The following RGL1 variants were observed in gnomAD, a reference collection of about 807,000 sequenced individuals.
RGL1 encodes the protein ral guanine nucleotide dissociation stimulator-like 1.
RGL1 carries 24 observed loss-of-function variants against 95.2 expected under a neutral mutation model. The observed-to-expected ratio is 0.25, with a 90% CI of 0.18 to 0.35. The LOEUF is 0.35. Ranked by LOEUF, RGL1 falls within the 10% of genes least tolerant of loss-of-function variation. The pLI is 1.00. For synonymous variants in RGL1, 329 were observed against 344.9 expected (o/e 0.95, Z 0.51); for missense variants, 715 against 936.3 (o/e 0.76, Z 3.08).
chr1:183,837,227 C>T (rs1425850252), intron 2 of RGL1, among the ~76,000 whole-genome samples: 4 of 152,174 alleles, frequency 2.6e-5, no homozygotes, highest in Non-Finnish European at 4.4e-5. Context: ...GGGAAAGCTT[C>T]TGGGCTGTGG....
At chr1:183,754,216 AT>A (rs1053909832) in intron 2 of RGL1, among the ~76,000 whole-genome samples, 17 of 152,086 alleles carry the variant, frequency 1.1e-4, no homozygotes, top group African/African-American at 4.1e-4. Context: ...GTCACAGAAG[AT>A]ATAGTATTAC....
chr1:183,887,897 G>T lies in RGL1; in HGVS notation c.952-577G>T, dbSNP rs117613745. Among the ~76,000 whole-genome samples, 100 of 152,286 alleles carry T rather than the reference G, an allele frequency of 6.6e-4. 1 individual carries two copies. The East Asian group carries it at 0.019, about 29-fold the overall frequency. Reference sequence around the variant, plus strand: ...TACCAAGGTGTTTTTGAATGTTTATGGTTGCAGGACAAGCCAATTTGAAAC... The same window carrying T: ...TACCAAGGTGTTTTTGAATGTTTATTGTTGCAGGACAAGCCAATTTGAAAC... On this transcript the variant is annotated intron_variant, in intron 7 of 17. Coordinates refer to ENST00000360851, the MANE Select transcript of RGL1 (RefSeq NM_001297671.3).
intron 15 of RGL1, among the ~76,000 whole-genome samples, chr1:183,916,041 T>C (rs1209533045): frequency 6.6e-6 from 1 of 152,198 alleles, no homozygotes; most frequent in Non-Finnish European, 1.5e-5. Flanking sequence ...TCTCTCTCAC[T>C]ACGAAATCTG....
At chr1:183,838,887 C>T (rs1220498608) in intron 2 of RGL1, among the ~76,000 whole-genome samples, 2 of 152,238 alleles carry the variant, frequency 1.3e-5, no homozygotes, top group Non-Finnish European at 2.9e-5. Flanking sequence ...CATGATGCCA[C>T]TGAATGCAGA....
At chr1:183,705,456 G>A (rs1654854738) in intron 1 of RGL1, among the ~76,000 whole-genome samples, 1 of 140,250 alleles carries the variant, frequency 7.1e-6, no homozygotes. Context: ...ACATACTGAA[G>A]GAGAGTGGAT....
chr1:183,907,870 G>A (rs112778594), intron 14 of RGL1, among the ~76,000 whole-genome samples: 16 of 152,120 alleles, frequency 1.1e-4, no homozygotes, highest in African/African-American at 3.1e-4. Context: ...GGTGGTGCAC[G>A]CATGTAGTCC....
chr1:183,912,874 T>C (rs1668728751), intron 15 of RGL1, among the ~76,000 whole-genome samples: 1 of 152,242 alleles, frequency 6.6e-6, no homozygotes, highest in African/African-American at 2.4e-5. Context: ...AAGCCTTTAC[T>C]TGAGTCGTAT....
chr1:183,924,530 G>A (rs746669226), intron 17 of RGL1, among the ~76,000 whole-genome samples: 78 of 152,066 alleles, frequency 5.1e-4, no homozygotes, highest in Non-Finnish European at 9.6e-4. Flanking sequence ...TGTAGATGGC[G>A]GGTTGATGGG....
chr1:183,747,480 G>T (rs1657715959), intron 2 of RGL1, among the ~76,000 whole-genome samples: 1 of 152,092 alleles, frequency 6.6e-6, no homozygotes, highest in Admixed American at 6.6e-5. Context: ...TTTTTGATGG[G>T]GTTGTTTGTT....
chr1:183,905,448 T>C (rs545465467), intron 13 of RGL1, among the ~76,000 whole-genome samples: 1 of 152,044 alleles, frequency 6.6e-6, no homozygotes, highest in African/African-American at 2.4e-5. Flanking sequence ...ACAAAACCTA[T>C]GGGAAGAATT....
Position 183,892,165 on chromosome 1 carries a change from A to G in RGL1, c.1140+4A>G. 6.2e-7 allele frequency: 1 copy of G among 1,603,842 alleles called. No homozygotes were observed. Among genetic ancestry groups the G allele is most frequent in the Non-Finnish European group, 8.5e-7 (1 of 1,171,276 alleles). ...CAGCCGAGAACTACTGATGAAGGTG[A>G]GGCTCTTAGTGAGGCTGCTGTGTAG... is the stretch of plus-strand genomic sequence containing the variant. On this transcript the variant is annotated splice_donor_region_variant and intron_variant, in intron 9 of 17. Coordinates refer to ENST00000360851, the MANE Select transcript of RGL1 (RefSeq NM_001297671.3).
intron 3 of RGL1, among the ~76,000 whole-genome samples, chr1:183,849,529 T>A (rs1664694045): frequency 7.2e-6 from 1 of 138,256 alleles, no homozygotes; most frequent in Non-Finnish European, 1.5e-5. Context: ...TCTCGCTCTG[T>A]CTCCAGGCTG....
At chr1:183,639,501 A>G (rs1028001234) in intron 1 of RGL1, among the ~76,000 whole-genome samples, 2 of 152,198 alleles carry the variant, frequency 1.3e-5, no homozygotes, top group African/African-American at 4.8e-5. Flanking sequence ...CATGTTGTCC[A>G]TAGACTATCT....
intron 2 of RGL1, among the ~76,000 whole-genome samples, chr1:183,793,254 AC>A (rs1319125247): frequency 2.6e-5 from 4 of 152,188 alleles, no homozygotes; most frequent in African/African-American, 9.6e-5. Context: ...ATGAAACCAG[AC>A]CCCATCTCTC....
At chr1:183,816,816 G>T (rs1662122723) in intron 2 of RGL1, among the ~76,000 whole-genome samples, 1 of 151,974 alleles carries the variant, frequency 6.6e-6, no homozygotes, top group Non-Finnish European at 1.5e-5. Flanking sequence ...GCTGCCACTT[G>T]CTGATTAACT....
At chr1:183,667,286 G>A (rs1308376251) in intron 1 of RGL1, among the ~76,000 whole-genome samples, 1 of 151,974 alleles carries the variant, frequency 6.6e-6, no homozygotes, top group Non-Finnish European at 1.5e-5. Context: ...CTGGCAATCT[G>A]TCTTTTCATT....
chr1:183,645,384 A>AT (rs1415118607), intron 1 of RGL1, among the ~76,000 whole-genome samples: 4 of 152,226 alleles, frequency 2.6e-5, no homozygotes, highest in African/African-American at 9.6e-5. Flanking sequence ...ACCTTGGTAG[A>AT]TTCACCAAGA....
intron 4 of RGL1, among the ~76,000 whole-genome samples, chr1:183,870,032 C>G (rs1666071531): frequency 6.6e-6 from 1 of 152,190 alleles, no homozygotes; most frequent in Non-Finnish European, 1.5e-5. Flanking sequence ...GCTAAACGTC[C>G]TAGCATGTGA....
At chr1:183,703,712 G>A (rs1446345819) in intron 1 of RGL1, among the ~76,000 whole-genome samples, 1 of 152,224 alleles carries the variant, frequency 6.6e-6, no homozygotes. Context: ...AGATAGTGGA[G>A]CTGTTTATCG....
Sources: gnomAD v4.1 joint callset for allele counts (sites outside exome capture counted in the v4.1 genomes callset) on GRCh38, gnomAD v4.1.1 for gene constraint, MANE v1.5 for transcripts, NCBI Gene and HGNC (gene_info 2026-07-23, HGNC 2026-07-21) for gene names.